ESR1: variants seen among roughly 807,000 people sequenced by gnomAD.
ESR1 encodes estrogen receptor.
ESR1 carries 12 observed loss-of-function variants against 52.7 expected under a neutral mutation model. The observed-to-expected ratio is 0.23, with a 90% CI of 0.15 to 0.37. ESR1 has a LOEUF of 0.37. Among genes scored for constraint, ESR1 ranks in the 10% least tolerant of loss-of-function variants. The pLI is 1.00. For synonymous variants in ESR1, 305 were observed against 316.8 expected (o/e 0.96, Z 0.39); for missense variants, 584 against 779.7 (o/e 0.75, Z 2.99).
Position 151,944,489 on chromosome 6 carries a change from C to T in ESR1, c.1077C>T (p.Asn359=), listed in dbSNP as rs2128529575. The change falls in exon 4 of 8, where the codon AAC becomes AAT. Residue 359 remains asparagine, a synonymous_variant. Coordinates refer to ENST00000206249, the MANE Select transcript of ESR1 (RefSeq NM_000125.4). ...ACAGGGAGCTGGTTCACATGATCAA[C>T]TGGGCGAAGAGGGTGCCAGGTAAGA... ...LADRELVHMI[N]WAKRVPGFVD... 6.2e-7 allele frequency: 1 copy of T among 1,614,194 alleles called. No homozygotes were observed. Among genetic ancestry groups the T allele is most frequent in the East Asian group, 2.2e-5 (1 of 44,882 alleles).
At chr6:152,065,551 G>A (rs749536630) in intron 6 of ESR1, among the ~76,000 whole-genome samples, 11 of 152,050 alleles carry the variant, frequency 7.2e-5, no homozygotes, top group Admixed American at 5.2e-4. Context: ...TTTCTAAACC[G>A]CTCTTAACCA....
At chr6:152,063,693 C>A (rs2047732614) in intron 6 of ESR1, among the ~76,000 whole-genome samples, 2 of 152,184 alleles carry the variant, frequency 1.3e-5, no homozygotes, top group Admixed American at 1.3e-4. Context: ...CGGGGCAGCT[C>A]TACCTCTCAT....
intron 2 of ESR1, among the ~76,000 whole-genome samples, chr6:151,735,313 T>G (rs1187757101): frequency 2.0e-5 from 3 of 152,208 alleles, no homozygotes; most frequent in Non-Finnish European, 4.4e-5. Flanking sequence ...AGCAACAGAT[T>G]TCTCATTTAA....
intron 4 of ESR1, among the ~76,000 whole-genome samples, chr6:151,961,002 T>C (rs2037591936): frequency 6.6e-6 from 1 of 152,146 alleles, no homozygotes; most frequent in African/African-American, 2.4e-5. Flanking sequence ...CAACAACTGA[T>C]ATGGGGAAGT....
intron 2 of ESR1, among the ~76,000 whole-genome samples, chr6:151,791,045 T>G (rs1421372764): frequency 3.3e-5 from 5 of 152,186 alleles, no homozygotes; most frequent in Non-Finnish European, 1.5e-5. Context: ...AATCATTGCA[T>G]CTGGTCATGA....
chr6:151,748,272 T>TC (rs1241048308), intron 2 of ESR1, among the ~76,000 whole-genome samples: 1 of 152,202 alleles, frequency 6.6e-6, no homozygotes, highest in Non-Finnish European at 1.5e-5. Flanking sequence ...CAGTTTTTTT[T>TC]CTAGAGTCCT....
At chr6:151,818,510 T>C (rs1362504844) in intron 1 of ESR1, among the ~76,000 whole-genome samples, 2 of 152,196 alleles carry the variant, frequency 1.3e-5, no homozygotes, top group Non-Finnish European at 2.9e-5. Flanking sequence ...TATTAGGGAA[T>C]AGCTAGCAAA....
chr6:151,992,446 G>A (rs2041115441), intron 4 of ESR1, among the ~76,000 whole-genome samples: 1 of 152,148 alleles, frequency 6.6e-6, no homozygotes, highest in African/African-American at 2.4e-5. Flanking sequence ...TTGACATAAT[G>A]TTTTCAAGGT....
chr6:152,050,048 T>C (rs2046551825), intron 5 of ESR1, among the ~76,000 whole-genome samples: 1 of 152,260 alleles, frequency 6.6e-6, no homozygotes, highest in Non-Finnish European at 1.5e-5. Flanking sequence ...TGGGCACCAC[T>C]GTTGGTCGGC....
intron 6 of ESR1, among the ~76,000 whole-genome samples, chr6:152,088,788 G>C (rs768039772): frequency 1.3e-5 from 2 of 152,120 alleles, no homozygotes; most frequent in Non-Finnish European, 2.9e-5. Context: ...AAATTATCCA[G>C]TTTCAGGTAT....
At chr6:152,011,357 G>T (rs2128776110) in intron 4 of ESR1, among the ~76,000 whole-genome samples, 1 of 152,216 alleles carries the variant, frequency 6.6e-6, no homozygotes, top group Admixed American at 6.5e-5. Flanking sequence ...TAAGTAGAAG[G>T]CACACAAGTT....
intron 1 of ESR1, chr6:151,809,017 G>T (rs1778355419): frequency 7.5e-6 from 2 of 267,456 alleles, no homozygotes; most frequent in Non-Finnish European, 1.6e-5. Context: ...CTGAGTCCGC[G>T]CTGGAGCGGA....
chr6:151,717,096 C>A (rs1441691376), intron 2 of ESR1, among the ~76,000 whole-genome samples: 2 of 152,142 alleles, frequency 1.3e-5, no homozygotes, highest in Non-Finnish European at 2.9e-5. Context: ...CAGGGCTTCC[C>A]TTGGCTAGGG....
intron 2 of ESR1, among the ~76,000 whole-genome samples, chr6:151,703,814 T>C (rs1487884444): frequency 2.0e-5 from 3 of 152,180 alleles, no homozygotes; most frequent in Non-Finnish European, 2.9e-5. Flanking sequence ...TAGTCTTGCA[T>C]TGCTTTCCCC....
chr6:151,890,252 C>A (rs139642044), intron 3 of ESR1, among the ~76,000 whole-genome samples: 2,924 of 151,866 alleles, frequency 0.019, 54 homozygotes, highest in South Asian at 0.085. Flanking sequence ...GCCTGGCTAA[C>A]TTTTTGTATT....
chr6:151,732,534 T>TTG (rs3036504), intron 2 of ESR1, among the ~76,000 whole-genome samples: 2,424 of 148,844 alleles, frequency 0.016, 50 homozygotes, highest in African/African-American at 0.042. Context: ...GTGTGTGTGT[T>TTG]TGTGTGTGTG....
chr6:152,113,367 C>T (rs931070444), intron 6 of ESR1, among the ~76,000 whole-genome samples: 1 of 152,176 alleles, frequency 6.6e-6, no homozygotes, highest in African/African-American at 2.4e-5. Context: ...ACAGGTGGTC[C>T]TCTGCATGGG....
At chr6:151,885,430 C>A (rs181936619) in intron 3 of ESR1, among the ~76,000 whole-genome samples, 1 of 152,272 alleles carries the variant, frequency 6.6e-6, no homozygotes, top group Admixed American at 6.5e-5. Context: ...AGAATGTGGC[C>A]TTTTTGCTGA....
intron 5 of ESR1, among the ~76,000 whole-genome samples, chr6:152,037,330 G>A (rs1438435384): frequency 1.3e-5 from 2 of 152,088 alleles, no homozygotes; most frequent in Non-Finnish European, 2.9e-5. Flanking sequence ...AGGAAAACAT[G>A]TTTAGCCATA....
Sources: gnomAD v4.1 joint callset for allele counts (sites outside exome capture counted in the v4.1 genomes callset) on GRCh38, gnomAD v4.1.1 for gene constraint, MANE v1.5 for transcripts, NCBI Gene and HGNC (gene_info 2026-07-23, HGNC 2026-07-21) for gene names.